GLCE: variants seen among roughly 807,000 people sequenced by gnomAD.
GLCE encodes D-glucuronyl C5-epimerase.
A neutral mutation model predicts 47.9 loss-of-function variants in GLCE; 19 were observed. The ratio of observed to expected loss-of-function variants is 0.40; its 90% confidence interval spans 0.28 to 0.58. The LOEUF is 0.58. Among genes scored for constraint, GLCE ranks in the 20% least tolerant of loss-of-function variants. The pLI, the probability that GLCE is intolerant of heterozygous loss-of-function variation, is 0.48. For missense variants in GLCE, 556 were observed against 743.3 expected (o/e 0.75, Z 2.93); for synonymous variants, 245 against 263.4 (o/e 0.93, Z 0.68).
intron 2 of GLCE, among the ~76,000 whole-genome samples, chr15:69,252,099 G>A (rs930511709): frequency 3.3e-5 from 5 of 152,044 alleles, no homozygotes; most frequent in African/African-American, 9.7e-5. Context: ...CTTTAGTAAC[G>A]AATGGCATCA....
intron 1 of GLCE, among the ~76,000 whole-genome samples, chr15:69,202,452 A>G (rs970242133): frequency 5.9e-5 from 9 of 152,030 alleles, no homozygotes; most frequent in African/African-American, 1.7e-4. Context: ...CTCATATACA[A>G]TTCTCTCTTG....
intron 1 of GLCE, among the ~76,000 whole-genome samples, chr15:69,176,549 A>G (rs2051668164): frequency 6.6e-6 from 1 of 151,844 alleles, no homozygotes; most frequent in South Asian, 2.1e-4. Flanking sequence ...TTTTTCCTCA[A>G]ACATCTATAT....
At chr15:69,220,085 G>A (rs1323243189) in intron 2 of GLCE, among the ~76,000 whole-genome samples, 1 of 152,030 alleles carries the variant, frequency 6.6e-6, no homozygotes, top group Non-Finnish European at 1.5e-5. Context: ...ATATTTTGTT[G>A]TATGTATATA....
At chr15:69,239,588 T>C (rs185534212) in intron 2 of GLCE, among the ~76,000 whole-genome samples, 2 of 152,228 alleles carry the variant, frequency 1.3e-5, no homozygotes, top group African/African-American at 4.8e-5. Context: ...ACTATAAATA[T>C]ATCTAAATAG....
chr15:69,195,475 T>C (rs1009657142), intron 1 of GLCE, among the ~76,000 whole-genome samples: 3 of 152,108 alleles, frequency 2.0e-5, no homozygotes, highest in Non-Finnish European at 2.9e-5. Flanking sequence ...TTAACAAAAT[T>C]TGAAATTTTT....
chr15:69,172,903 A>G (rs951140262), intron 1 of GLCE, among the ~76,000 whole-genome samples: 4 of 152,246 alleles, frequency 2.6e-5, no homozygotes, highest in African/African-American at 9.6e-5. Flanking sequence ...GAAATATGTT[A>G]TAAGATTTTA....
At chr15:69,205,224 T>G (rs2140368351) in intron 1 of GLCE, among the ~76,000 whole-genome samples, 1 of 152,106 alleles carries the variant, frequency 6.6e-6, no homozygotes, top group East Asian at 1.9e-4. Context: ...AAAATGGTCA[T>G]GAAGTGGAAT....
chr15:69,234,337 C>T (rs1278800564), intron 2 of GLCE, among the ~76,000 whole-genome samples: 1 of 151,946 alleles, frequency 6.6e-6, no homozygotes, highest in African/African-American at 2.4e-5. Context: ...ACCGTTCACA[C>T]AGCTGAGGTG....
chr15:69,190,475 T>C (rs867425647), intron 1 of GLCE, among the ~76,000 whole-genome samples: 24 of 152,260 alleles, frequency 1.6e-4, no homozygotes, highest in Non-Finnish European at 2.5e-4. Context: ...GCTCTGTTAC[T>C]AGCTTAGGAT....
chr15:69,173,983 A>G (rs997896569), intron 1 of GLCE, among the ~76,000 whole-genome samples: 1 of 152,002 alleles, frequency 6.6e-6, no homozygotes, highest in Non-Finnish European at 1.5e-5. Flanking sequence ...TCAGCCTCCC[A>G]GGTAGCTGGG....
intron 2 of GLCE, among the ~76,000 whole-genome samples, chr15:69,249,881 C>T (rs1012469397): frequency 5.3e-5 from 8 of 151,934 alleles, no homozygotes; most frequent in Non-Finnish European, 1.0e-4. Flanking sequence ...CCAAAAAAAA[C>T]CCTAAGAGTT....
rs553764832 is a variant in GLCE at position 69,270,366 on chromosome 15, G to T, written c.*1122G>T. 6.6e-6 allele frequency: 1 copy of T among 151,994 alleles called. No homozygotes were observed. Among genetic ancestry groups the T allele is most frequent in the Middle Eastern group, 3.4e-3 (1 of 294 alleles). The allele number at this position is 151,994 out of a possible 1,614,324, so 9.4% of individuals were successfully genotyped here. A position where few individuals can be genotyped will look rare whatever the true frequency, so the allele number is the denominator to read the frequency against. On this transcript the variant is annotated 3_prime_UTR_variant, in exon 5 of 5. Coordinates refer to ENST00000261858, the MANE Select transcript of GLCE (RefSeq NM_015554.3). Reference sequence around the variant, plus strand: ...ATTATCCCAGCTATTAGATAGAAGGGATGTTACTGCACTTATGTGTAATCA... The same window carrying T: ...ATTATCCCAGCTATTAGATAGAAGGTATGTTACTGCACTTATGTGTAATCA...
intron 2 of GLCE, among the ~76,000 whole-genome samples, chr15:69,230,588 A>G (rs1273364575): frequency 6.6e-6 from 1 of 152,206 alleles, no homozygotes; most frequent in Non-Finnish European, 1.5e-5. Flanking sequence ...TTCCATTCTA[A>G]TTGGGAGTTG....
chr15:69,246,139 T>C (rs1298690323), intron 2 of GLCE, among the ~76,000 whole-genome samples: 1 of 152,210 alleles, frequency 6.6e-6, no homozygotes, highest in Non-Finnish European at 1.5e-5. Flanking sequence ...CTCTTCAGAC[T>C]CTACTTCTAA....
Position 69,211,365 on chromosome 15 carries a change from GTGA to G in GLCE, c.-14+964_-14+966del, listed in dbSNP as rs757879730. Among the ~76,000 whole-genome samples, 15 of 152,130 alleles carry G rather than the reference GTGA, an allele frequency of 9.9e-5. No individual in the cohort carries two copies. The South Asian group carries it at 1.7e-3, about 17-fold the overall frequency. On this transcript the variant is annotated intron_variant, in intron 2 of 4. Transcript: ENST00000261858. ...AAACTGAACAAATAATATTTTGAGA[GTGA>G]TGATTGTGTGTTTTTAATATCTGTT... is the stretch of plus-strand genomic sequence containing the variant.
intron 2 of GLCE, among the ~76,000 whole-genome samples, chr15:69,251,623 T>C (rs938203992): frequency 6.6e-6 from 1 of 152,210 alleles, no homozygotes; most frequent in Non-Finnish European, 1.5e-5. Context: ...TGGCTGCTCC[T>C]ACAAAGACAA....
intron 1 of GLCE, among the ~76,000 whole-genome samples, chr15:69,170,344 T>C (rs2051571499): frequency 6.6e-6 from 1 of 152,154 alleles, no homozygotes; most frequent in African/African-American, 2.4e-5. Flanking sequence ...TCTAGAATTA[T>C]TGTTCTTTAT....
chr15:69,258,811 T>C (rs1327310770), intron 3 of GLCE, among the ~76,000 whole-genome samples: 1 of 152,204 alleles, frequency 6.6e-6, no homozygotes, highest in African/African-American at 2.4e-5. Flanking sequence ...TGGTATTTGG[T>C]AGCACAAAGG....
Position 69,271,478 on chromosome 15 carries a change from G to A in GLCE, c.*2234G>A, listed in dbSNP as rs1434066579. 2 of 152,606 alleles carry A rather than the reference G, an allele frequency of 1.3e-5. No homozygotes were observed. The highest frequency in any genetic ancestry group is 2.9e-5 in the Non-Finnish European group (2 of 68,046). 9.5% of individuals were successfully genotyped at this position (152,606 alleles called of 1,614,324 possible). ...CAGGTGAGCTGGGGGCATACAGGGA[G>A]GAACACTGCCCTGGACTATCCATTG... On this transcript the variant is annotated 3_prime_UTR_variant, in exon 5 of 5. Coordinates refer to ENST00000261858, the MANE Select transcript of GLCE (RefSeq NM_015554.3).
Sources: allele counts gnomAD v4.1 joint callset (sites outside exome capture counted in the v4.1 genomes callset), GRCh38; gene constraint gnomAD v4.1.1; transcripts MANE v1.5; gene names NCBI Gene and HGNC (gene_info 2026-07-23, HGNC 2026-07-21).